The following CRACD variants were observed in gnomAD, a reference collection of about 807,000 sequenced individuals.
The protein encoded by CRACD is capping protein inhibiting regulator of actin dynamics.
CRACD carries 56 observed loss-of-function variants against 106.8 expected under a neutral mutation model. The ratio of observed to expected loss-of-function variants is 0.52; its 90% CI spans 0.42 to 0.66. CRACD has a LOEUF of 0.66. Among genes scored for constraint, CRACD ranks in the 30% least tolerant of loss-of-function variants. The pLI is 0.00. For synonymous variants in CRACD, 754 were observed against 670.8 expected (o/e 1.12, Z -1.92); for missense variants, 1,730 against 1,623.2 (o/e 1.07, Z -1.13).
intron 1 of CRACD, among the ~76,000 whole-genome samples, chr4:56,168,316 A>T (rs979449400): frequency 1.3e-5 from 2 of 151,750 alleles, no homozygotes; most frequent in African/African-American, 4.8e-5. Flanking sequence ...ACTCTTTAAG[A>T]TTTTTCTTCT....
chr4:56,140,709 T>A (rs1015138058), intron 1 of CRACD, among the ~76,000 whole-genome samples: 1 of 152,164 alleles, frequency 6.6e-6, no homozygotes, highest in African/African-American at 2.4e-5. Context: ...CAGGGCCAGT[T>A]CTTTGAAACA....
At chr4:56,236,065 TCAGA>T (rs1476830991) in intron 2 of CRACD, among the ~76,000 whole-genome samples, 1 of 152,182 alleles carries the variant, frequency 6.6e-6, no homozygotes, top group Admixed American at 6.5e-5. Context: ...CCCCAGGACC[TCAGA>T]ATGTGACCTT....
In CRACD at chr4:56,314,802, G is replaced by A; in HGVS notation, c.1300G>A (p.Glu434Lys). The change falls in exon 8 of 11, where the codon GAA (glutamate) becomes AAA (lysine). Residue 434 changes from glutamate (E) to lysine (K), a missense_variant. Physicochemically the swap from Glu to Lys is moderately conservative, Grantham distance 56. Coordinates refer to ENST00000682029, the MANE Select transcript of CRACD (RefSeq NM_001393381.1). This position sits in a 1 kb window ranked among gnomAD's most constrained non-coding sequence, Gnocchi z 4.4. ...NDFEERLEDQ[E>K]RLKPEGQREH... ...CTTTGAGGAGAGGCTCGAAGACCAG[G>A]AACGCCTGAAACCCGAAGGACAAAG... The A allele has an allele frequency of 1.9e-6, 3 of 1,604,642 alleles. No individual in the cohort carries two copies. Among genetic ancestry groups the A allele is most frequent in the Non-Finnish European group, 2.5e-6 (3 of 1,176,816 alleles).
chr4:56,152,999 C>G (rs1054416926), intron 1 of CRACD, among the ~76,000 whole-genome samples: 1 of 152,140 alleles, frequency 6.6e-6, no homozygotes, highest in Non-Finnish European at 1.5e-5. Flanking sequence ...CAATTCCTGG[C>G]CAGGTGCAGT....
Position 56,316,321 on chromosome 4 carries a change from G to T in CRACD, c.2819G>T (p.Ser940Ile). 1 of 1,614,006 alleles carries T rather than the reference G, an allele frequency of 6.2e-7. No homozygotes were observed. Among genetic ancestry groups the T allele is most frequent in the Non-Finnish European group, 8.5e-7 (1 of 1,179,902 alleles). ...GCCCACCCTGGGCCTCCACCGGCCA[G>T]CAGCCAGACCCCGGCTCCGGAGCAC... ...PVAHPGPPPA[S>I]SQTPAPEHDK... is the part of the protein sequence containing the mutation. Residue 940 changes from serine to isoleucine, a missense_variant, in exon 8 of 11, where the codon AGC (serine) becomes ATC (isoleucine). Coordinates refer to ENST00000682029, the MANE Select transcript of CRACD (RefSeq NM_001393381.1).
In CRACD at chr4:56,314,036, T is replaced by G. The variant is rs1344156114; in HGVS notation, c.538-4T>G. 1 of 1,610,760 alleles carries G rather than the reference T, an allele frequency of 6.2e-7. No individual in the cohort carries two copies. Among genetic ancestry groups the G allele is most frequent in the South Asian group, 1.1e-5 (1 of 90,938 alleles). Reference sequence around the variant, plus strand: ...GCTAATTGTGTTTTCCTTTCCAATGTTAGGATCCACAACATGAGCAAGGCG... The same window carrying G: ...GCTAATTGTGTTTTCCTTTCCAATGGTAGGATCCACAACATGAGCAAGGCG... On this transcript the variant is annotated splice_polypyrimidine_tract_variant and splice_region_variant and intron_variant, in intron 7 of 10. Coordinates refer to ENST00000682029, the MANE Select transcript of CRACD (RefSeq NM_001393381.1). This position sits in a 1 kb window ranked among gnomAD's most constrained non-coding sequence, Gnocchi z 4.4.
At chr4:56,124,859 T>G (rs78815045) in intron 1 of CRACD, among the ~76,000 whole-genome samples, 4,390 of 152,288 alleles carry the variant, frequency 0.029, 71 homozygotes, top group Admixed American at 0.059. Context: ...CTAATATCCC[T>G]AAGTGGAGCC....
At chr4:56,316,838 A>C in intron 8 of CRACD, 149 bp downstream of exon 8, 1 of 980,702 alleles carries the variant, frequency 1.0e-6, no homozygotes, top group Non-Finnish European at 1.5e-6. Context: ...GCAGAACAAA[A>C]CCGTGGGGCG....
At chr4:56,104,790 A>T (rs956216756) in intron 1 of CRACD, among the ~76,000 whole-genome samples, 2 of 151,762 alleles carry the variant, frequency 1.3e-5, no homozygotes, top group African/African-American at 4.8e-5. Context: ...ACATGGTGAA[A>T]CTCTGTCTCT....
chr4:56,159,220 G>A (rs967479786), intron 1 of CRACD, among the ~76,000 whole-genome samples: 3 of 152,136 alleles, frequency 2.0e-5, no homozygotes, highest in Non-Finnish European at 4.4e-5. Flanking sequence ...CATTTTTACC[G>A]TTTCTTGGGA....
intron 1 of CRACD, among the ~76,000 whole-genome samples, chr4:56,113,385 G>A (rs1373339937): frequency 6.6e-6 from 1 of 152,106 alleles, no homozygotes; most frequent in African/African-American, 2.4e-5. Flanking sequence ...CTAATGATAG[G>A]CAGTAAGTCT....
At chr4:56,118,017 C>T (rs1233765159) in intron 1 of CRACD, among the ~76,000 whole-genome samples, 1 of 152,190 alleles carries the variant, frequency 6.6e-6, no homozygotes. Flanking sequence ...CCTCTGCCTC[C>T]TAAAGTGCTG....
At chr4:56,308,824 G>T (rs1009824107) in intron 5 of CRACD, 1 of 1,283,664 alleles carries the variant, frequency 7.8e-7, no homozygotes, top group Non-Finnish European at 1.0e-6. Context: ...CCATCGCCTT[G>T]GTGCAGGGGT....
intron 1 of CRACD, among the ~76,000 whole-genome samples, chr4:56,163,645 T>G (rs1736036287): frequency 6.6e-6 from 1 of 152,186 alleles, no homozygotes; most frequent in African/African-American, 2.4e-5. Flanking sequence ...TGAGAAAAAA[T>G]ATCTGTATAA....
chr4:56,102,182 C>T (rs1393478374), intron 1 of CRACD, among the ~76,000 whole-genome samples: 1 of 152,122 alleles, frequency 6.6e-6, no homozygotes, highest in African/African-American at 2.4e-5. Context: ...GTGATTATAC[C>T]CATTTACACT....
chr4:56,144,171 G>A (rs1485102799), intron 1 of CRACD, among the ~76,000 whole-genome samples: 1 of 152,192 alleles, frequency 6.6e-6, no homozygotes, highest in Non-Finnish European at 1.5e-5. Flanking sequence ...AAGGAAAAAT[G>A]TTAAGTAGAA....
chr4:56,105,973 T>C (rs934427988), intron 1 of CRACD, among the ~76,000 whole-genome samples: 1 of 152,104 alleles, frequency 6.6e-6, no homozygotes, highest in African/African-American at 2.4e-5. Context: ...TTTTGTGACC[T>C]TCTTCCATCC....
chr4:56,271,041 G>A (rs1742320846), intron 2 of CRACD, among the ~76,000 whole-genome samples: 1 of 150,772 alleles, frequency 6.6e-6, no homozygotes, highest in South Asian at 2.1e-4. Flanking sequence ...GGAGGCAGAG[G>A]TTGCAGGGAG....
intron 2 of CRACD, among the ~76,000 whole-genome samples, chr4:56,249,178 T>G (rs1740893893): frequency 6.7e-6 from 1 of 150,104 alleles, no homozygotes; most frequent in Non-Finnish European, 1.5e-5. Flanking sequence ...TGAACTAGTT[T>G]ACAGTCCCAC....
Sources: gnomAD v4.1 joint callset for allele counts (sites outside exome capture counted in the v4.1 genomes callset) on GRCh38, gnomAD v4.1.1 for gene constraint, Gnocchi (gnomAD v3.1) non-coding constraint, MANE v1.5 for transcripts, NCBI Gene and HGNC (gene_info 2026-07-23, HGNC 2026-07-21) for gene names.